Variants in C19orf44 observed in about 807,000 individuals in gnomAD.
The protein encoded by C19orf44 is chromosome 19 open reading frame 44.
A neutral mutation model predicts 50.7 loss-of-function variants in C19orf44; 43 were observed. The ratio of observed to expected loss-of-function variants is 0.85; its 90% CI spans 0.66 to 1.09. The LOEUF is 1.09. Among genes scored for constraint, C19orf44 ranks in the 50% least tolerant of loss-of-function variants. The pLI, the probability that C19orf44 is intolerant of heterozygous loss-of-function variation, is 0.00. For synonymous variants in C19orf44, 298 were observed against 334.7 expected (o/e 0.89, Z 1.20); for missense variants, 722 against 836.2 (o/e 0.86, Z 1.68).
chr19:16,502,222 A>G lies in C19orf44; in HGVS notation c.759+671A>G, dbSNP rs1165595597. On this transcript the variant is annotated intron_variant, in intron 2 of 8. Coordinates refer to ENST00000221671, the MANE Select transcript of C19orf44 (RefSeq NM_032207.4). ...AGTGTGCGTGGCCTATTTGTGGAAT[A>G]TTTTCTTTCTTTCCTTTTTTTTTTT... Among the ~76,000 whole-genome samples the G allele has an allele frequency of 2.5e-5, 3 of 117,998 alleles. No homozygotes were observed. The South Asian group carries it at 8.0e-4, about 32-fold the overall frequency. The allele number at this position is 117,998 out of a possible 152,430, so 77.4% of individuals were successfully genotyped here.
intron 1 of C19orf44, among the ~76,000 whole-genome samples, chr19:16,499,301 T>C (rs2093418351): frequency 6.6e-6 from 1 of 152,120 alleles, no homozygotes; most frequent in Non-Finnish European, 1.5e-5. Flanking sequence ...TTTTCTTTTT[T>C]TTTGAGACGG....
chr19:16,509,492 A>G lies in C19orf44; in HGVS notation c.1150-7A>G, dbSNP rs1367512601. 2 of 1,531,536 alleles carry G rather than the reference A, an allele frequency of 1.3e-6. No individual in the cohort carries two copies. Among genetic ancestry groups the G allele is most frequent in the South Asian group, 1.3e-5 (1 of 76,772 alleles). 94.9% of individuals were successfully genotyped at this position (1,531,536 alleles called of 1,614,324 possible). On this transcript the variant is annotated splice_region_variant and splice_polypyrimidine_tract_variant and intron_variant, in intron 4 of 8. Transcript: ENST00000221671. ...TTCCCAGCCACCTCTGCCATTCTTC[A>G]TTTTAGGAGGAAAGTGCTCAGAGAC... is the stretch of plus-strand genomic sequence containing the variant.
chr19:16,512,878 AAAT>A, intron 5 of C19orf44, 133 bp from the exon 6 acceptor site: 1 of 722,204 alleles, frequency 1.4e-6, no homozygotes, highest in Middle Eastern at 3.8e-4. Context: ...AAAAAAAAAA[AAAT>A]GCAAGAGTGG....
chr19:16,500,244 T>C (rs1418072973), intron 1 of C19orf44, among the ~76,000 whole-genome samples: 1 of 152,158 alleles, frequency 6.6e-6, no homozygotes, highest in Non-Finnish European at 1.5e-5. Context: ...TAATGGTTCT[T>C]ACACTAAGTG....
In C19orf44 at chr19:16,520,304, C is replaced by A. The variant is rs779871724; in HGVS notation, c.*251C>A. On this transcript the variant is annotated 3_prime_UTR_variant, in exon 9 of 9. Transcript: ENST00000221671. The surrounding 1 kb of genome is among the most constrained non-coding windows in gnomAD (Gnocchi z 4.0). ...TGCCCAAGGGTCAGCAGCAGCCAGG[C>A]GTCGTGGGGAGGCCACAGGAAGAGG... is the stretch of plus-strand genomic sequence containing the variant. 2 of 1,610,964 alleles carry A rather than the reference C, an allele frequency of 1.2e-6. No individual in the cohort carries two copies. Among genetic ancestry groups the A allele is most frequent in the Admixed American group, 3.3e-5 (2 of 59,916 alleles).
At chr19:16,496,969 GATAAAA>G (rs1025802022) in intron 1 of C19orf44, among the ~76,000 whole-genome samples, 2 of 151,946 alleles carry the variant, frequency 1.3e-5, no homozygotes, top group African/African-American at 2.4e-5. Flanking sequence ...CTCTAAAAAA[GATAAAA>G]ATAAAAAATT....
At chr19:16,507,015 A>C (rs544934543) in intron 4 of C19orf44, among the ~76,000 whole-genome samples, 55 of 152,236 alleles carry the variant, frequency 3.6e-4, no homozygotes, top group African/African-American at 1.3e-3. Context: ...TGTTTCATTT[A>C]GGCCTATAGT....
intron 3 of C19orf44, among the ~76,000 whole-genome samples, chr19:16,503,724 C>T (rs550240393): frequency 3.3e-5 from 5 of 152,244 alleles, no homozygotes; most frequent in African/African-American, 1.2e-4. Context: ...GCCACCACAC[C>T]GGGCTAATTT....
intron 4 of C19orf44, among the ~76,000 whole-genome samples, chr19:16,508,904 TC>T (rs1388800603): frequency 1.3e-5 from 2 of 151,676 alleles, no homozygotes; most frequent in African/African-American, 4.8e-5. Context: ...CACCATAACC[TC>T]TGCCTCCTGG....
chr19:16,500,006 C>T (rs1375556719), intron 1 of C19orf44, among the ~76,000 whole-genome samples: 1 of 152,082 alleles, frequency 6.6e-6, no homozygotes, highest in Non-Finnish European at 1.5e-5. Flanking sequence ...TCAGACTGGT[C>T]TTGAACTTAT....
rs964750256 is a variant in C19orf44 at position 16,501,660 on chromosome 19, T to C, written c.759+109T>C. ...CAGGCTGGAGTGCAATGGCACGATC[T>C]CTGCTCACCGCAACCTCCACTCCTA... On this transcript the variant is annotated intron_variant, in intron 2 of 8. Transcript: ENST00000221671. 17 of 782,460 alleles carry C rather than the reference T, an allele frequency of 2.2e-5. No homozygotes were observed. In the African/African-American group the frequency reaches 2.8e-4, roughly 13 times the overall value. The allele number at this position is 782,460 out of a possible 1,614,324, so 48.5% of individuals were successfully genotyped here.
chr19:16,512,299 G>T (rs1418832153), intron 5 of C19orf44, among the ~76,000 whole-genome samples: 1 of 152,084 alleles, frequency 6.6e-6, no homozygotes, highest in East Asian at 1.9e-4. Flanking sequence ...CACTGGCGAG[G>T]CTGTTTTCCT....
rs747086336 is a variant in C19orf44, at chr19:16,519,133, AC to A, written c.*41-959del. On this transcript the variant is annotated intron_variant, in intron 8 of 8. Transcript: ENST00000221671. The surrounding 1 kb of genome is among the most constrained non-coding windows in gnomAD (Gnocchi z 6.0). ...GGTCCCACAGCCGGCACCGCTGGCC[AC>A]CGGCGCGGCTCCCGGCATGGGCGCC... 6 of 1,600,228 alleles carry A rather than the reference AC, an allele frequency of 3.7e-6. No homozygotes were observed. Among genetic ancestry groups the A allele is most frequent in the Non-Finnish European group, 5.1e-6 (6 of 1,173,682 alleles).
Position 16,519,167 on chromosome 19 carries a change from A to G in C19orf44, c.*41-927A>G, listed in dbSNP as rs750997201. Reference sequence around the variant, plus strand: ...GCTCCCGGCATGGGCGCCTACTTACACTCGTCCCTGGCCTTCATGCGGGCG... The same window carrying G: ...GCTCCCGGCATGGGCGCCTACTTACGCTCGTCCCTGGCCTTCATGCGGGCG... On this transcript the variant is annotated intron_variant, in intron 8 of 8. Transcript: ENST00000221671. This position sits in a 1 kb window ranked among gnomAD's most constrained non-coding sequence, Gnocchi z 6.0. 6.2e-7 allele frequency: 1 copy of G among 1,612,658 alleles called. No homozygotes were observed. The highest frequency in any genetic ancestry group is 8.5e-7 in the Non-Finnish European group (1 of 1,179,636).
At chr19:16,513,715 G>C (rs141211515) in intron 6 of C19orf44, among the ~76,000 whole-genome samples, 1 of 152,242 alleles carries the variant, frequency 6.6e-6, no homozygotes, top group East Asian at 1.9e-4. Flanking sequence ...TGTTCCCCTT[G>C]GTGGCATTAC....
At chr19:16,504,707 C>T (rs1448008469) in intron 3 of C19orf44, among the ~76,000 whole-genome samples, 1 of 151,994 alleles carries the variant, frequency 6.6e-6, no homozygotes, top group Non-Finnish European at 1.5e-5. Flanking sequence ...TCAAGTGATG[C>T]TCCTGTCTCA....
chr19:16,504,504 C>T (rs1409063502), intron 3 of C19orf44, among the ~76,000 whole-genome samples: 1 of 152,186 alleles, frequency 6.6e-6, no homozygotes. Flanking sequence ...ACCTCCCACC[C>T]CTTACACCAC....
chr19:16,518,726 C>T (rs553369429), intron 8 of C19orf44: 92 of 205,380 alleles, frequency 4.5e-4, no homozygotes, highest in Admixed American at 7.0e-4. Flanking sequence ...CCGGTGGGTG[C>T]GGGGAGCTGG....
Position 16,519,737 on chromosome 19 carries a change from C to T in C19orf44, c.*41-357C>T, listed in dbSNP as rs1468176319. 2 of 1,586,806 alleles carry T rather than the reference C, an allele frequency of 1.3e-6. No individual in the cohort carries two copies. Among genetic ancestry groups the T allele is most frequent in the African/African-American group, 2.7e-5 (2 of 74,364 alleles). ...GGAACTAAAATCGAGACAGGTTATTCTTTTTAAGAAGTAACTGAGACATTT... is the reference window on the plus strand; with the variant it reads ...GGAACTAAAATCGAGACAGGTTATTTTTTTTAAGAAGTAACTGAGACATTT... On this transcript the variant is annotated intron_variant, in intron 8 of 8. Coordinates refer to ENST00000221671, the MANE Select transcript of C19orf44 (RefSeq NM_032207.4). The surrounding 1 kb of genome is among the most constrained non-coding windows in gnomAD (Gnocchi z 6.0).
Sources: gnomAD v4.1 joint callset for allele counts (sites outside exome capture counted in the v4.1 genomes callset) on GRCh38, gnomAD v4.1.1 for gene constraint, Gnocchi (gnomAD v3.1) non-coding constraint, MANE v1.5 for transcripts, NCBI Gene and HGNC (gene_info 2026-07-23, HGNC 2026-07-21) for gene names.